Variants in ADAM22 observed in about 807,000 individuals in gnomAD.
ADAM22 encodes disintegrin and metalloproteinase domain-containing protein 22.
ADAM22 carries 65 observed loss-of-function variants against 144.6 expected under a neutral mutation model. The ratio of observed to expected loss-of-function variants is 0.45; its 90% CI spans 0.37 to 0.55. ADAM22 has a LOEUF of 0.55. ADAM22 is among the 20% of genes least tolerant of loss of function. The pLI is 0.00. For synonymous variants in ADAM22, 391 were observed against 412.6 expected (o/e 0.95, Z 0.63); for missense variants, 974 against 1,184.9 (o/e 0.82, Z 2.61).
chr7:88,171,586 A>G, intron 26 of ADAM22, 25 bp downstream of exon 26: 1 of 1,563,972 alleles, frequency 6.4e-7, no homozygotes, highest in Non-Finnish European at 8.6e-7. Flanking sequence ...TAATGTGAAC[A>G]TAAAACTGAA....
intron 4 of ADAM22, among the ~76,000 whole-genome samples, chr7:88,087,466 A>T (rs1289061180): frequency 6.6e-6 from 1 of 152,226 alleles, no homozygotes; most frequent in Non-Finnish European, 1.5e-5. Context: ...TGAACGTATG[A>T]GGAAAATAAC....
chr7:88,195,571 A>C (rs1268247643), intron 31 of ADAM22, among the ~76,000 whole-genome samples: 2 of 152,116 alleles, frequency 1.3e-5, no homozygotes, highest in Non-Finnish European at 2.9e-5. Flanking sequence ...GCTATAGTGC[A>C]ATGTCGCGAT....
chr7:88,145,134 C>G lies in ADAM22; in HGVS notation c.1330C>G (p.Pro444Ala), dbSNP rs1262828152. Residue 444 changes from proline (P) to alanine (A), a missense_variant, in exon 16 of 32, where the codon CCT becomes GCT. Around this residue, in one of 2 missense-constraint regions of ADAM22, gnomAD observed 734 missense variants for 950.6 expected, o/e 0.77. Coordinates refer to ENST00000413139, the MANE Select transcript of ADAM22 (RefSeq NM_001324418.2). ...LFNKPSKLLDPPECGNGFIET... is the reference protein window; with the variant it reads ...LFNKPSKLLDAPECGNGFIET... The stretch of plus-strand genomic sequence containing the variant: ...TTGGTTTTCCTCACAGCTTCTTGAT[C>G]CTCCTGAGTGTGGCAATGGCTTCAT... 6.2e-7 allele frequency: 1 copy of G among 1,613,194 alleles called. No homozygotes were observed. The highest frequency in any genetic ancestry group is 8.5e-7 in the Non-Finnish European group (1 of 1,179,782).
intron 4 of ADAM22, among the ~76,000 whole-genome samples, chr7:88,100,700 G>A (rs963114315): frequency 6.6e-6 from 1 of 152,124 alleles, no homozygotes; most frequent in South Asian, 2.1e-4. Context: ...ATTTGTATTA[G>A]AGATGCGGTC....
At chr7:87,956,513 G>T (rs1584590364) in intron 2 of ADAM22, among the ~76,000 whole-genome samples, 1 of 152,046 alleles carries the variant, frequency 6.6e-6, no homozygotes, top group Non-Finnish European at 1.5e-5. Context: ...TGAGTTTTTG[G>T]TGTATTTAGA....
At chr7:88,153,371 C>G in intron 21 of ADAM22, 45 bp downstream of exon 21, 2 of 1,515,498 alleles carry the variant, frequency 1.3e-6, no homozygotes, top group Non-Finnish European at 1.8e-6. Context: ...TGGTCAATTA[C>G]AAGTGTACTT....
intron 4 of ADAM22, among the ~76,000 whole-genome samples, chr7:88,099,294 C>T (rs890908994): frequency 2.6e-5 from 4 of 152,118 alleles, no homozygotes; most frequent in Non-Finnish European, 5.9e-5. Flanking sequence ...GGGTCAGAGA[C>T]GAAGGACTTC....
At chr7:87,948,573 A>T (rs1009125058) in intron 2 of ADAM22, among the ~76,000 whole-genome samples, 2 of 152,128 alleles carry the variant, frequency 1.3e-5, no homozygotes, top group African/African-American at 2.4e-5. Flanking sequence ...TTTACCCTCT[A>T]CATTTGCTGA....
chr7:88,148,982 G>C lies in ADAM22; in HGVS notation c.1491G>C (p.Gln497His), dbSNP rs754165840. 7.4e-6 allele frequency: 12 copies of C among 1,610,740 alleles called. No homozygotes were observed. The highest frequency in any genetic ancestry group is 1.0e-5 in the Non-Finnish European group (12 of 1,178,058). Reference sequence around the variant, plus strand: ...TTGATTTTTGTTCATTTTAGTTTCAGCCTATGGGCACTGTGTGCCGAGAAG... The same window carrying C: ...TTGATTTTTGTTCATTTTAGTTTCACCCTATGGGCACTGTGTGCCGAGAAG... The part of the protein sequence containing the change: ...DGLCCKKCKF[Q>H]PMGTVCREAV... Residue 497 changes from glutamine (Q) to histidine (H), a missense_variant, in exon 18 of 32, where the codon CAG (glutamine) becomes CAC (histidine). Transcript: ENST00000413139.
At chr7:88,101,551 C>G (rs1167395546) in intron 4 of ADAM22, among the ~76,000 whole-genome samples, 1 of 152,130 alleles carries the variant, frequency 6.6e-6, no homozygotes, top group Non-Finnish European at 1.5e-5. Context: ...TTATTCTAGC[C>G]CCTTTGATCC....
At chr7:87,982,913 A>C (rs1453092022) in intron 3 of ADAM22, among the ~76,000 whole-genome samples, 1 of 150,056 alleles carries the variant, frequency 6.7e-6, no homozygotes, top group African/African-American at 2.5e-5. Context: ...CTGGTCTCGA[A>C]CTCCTGACCT....
At position 87,935,189 on chromosome 7, in the gene ADAM22, G is replaced by C; in HGVS notation, c.246+3G>C. 6.3e-7 allele frequency: 1 copy of C among 1,595,458 alleles called. No individual in the cohort carries two copies. Among genetic ancestry groups the C allele is most frequent in the Non-Finnish European group, 8.5e-7 (1 of 1,170,638 alleles). On this transcript the variant is annotated splice_donor_region_variant and intron_variant, in intron 2 of 31. Coordinates refer to ENST00000413139, the MANE Select transcript of ADAM22 (RefSeq NM_001324418.2). ...GGGGCGACCTCGGTGGCCCGCAGGT[G>C]AGAGGCTCGGTCCGGGAGGTGGTCC...
chr7:88,135,938 T>C (rs1563296400), intron 13 of ADAM22, 42 bp from the exon 14 acceptor site: 2 of 1,560,020 alleles, frequency 1.3e-6, no homozygotes, highest in Non-Finnish European at 1.7e-6. Flanking sequence ...AATGCAACTG[T>C]GTTCACTTTA....
chr7:88,039,464 A>AAAAATATATATAT, intron 3 of ADAM22, among the ~76,000 whole-genome samples: 1 of 76,378 alleles, frequency 1.3e-5, no homozygotes, highest in African/African-American at 4.7e-5. Flanking sequence ...AAAAAAAAAA[A>AAAAATATATATAT]ATATATATAT....
At chr7:88,031,995 GAT>G (rs1800385069) in intron 3 of ADAM22, among the ~76,000 whole-genome samples, 1 of 152,236 alleles carries the variant, frequency 6.6e-6, no homozygotes, top group African/African-American at 2.4e-5. Context: ...GATTTCAGAG[GAT>G]GTATAGAAAT....
At chr7:88,147,489 G>A (rs1836871717) in intron 17 of ADAM22, among the ~76,000 whole-genome samples, 1 of 152,190 alleles carries the variant, frequency 6.6e-6, no homozygotes, top group Non-Finnish European at 1.5e-5. Flanking sequence ...AGCAGCCTTT[G>A]AAAATACAGA....
chr7:88,168,433 T>A (rs1843436200), intron 25 of ADAM22: 1 of 609,358 alleles, frequency 1.6e-6, no homozygotes, highest in Non-Finnish European at 3.1e-6. Context: ...AACTTCCTTC[T>A]ATTGTAAAAG....
At chr7:87,982,052 T>C (rs1317853285) in intron 3 of ADAM22, among the ~76,000 whole-genome samples, 10 of 90,544 alleles carry the variant, frequency 1.1e-4, no homozygotes, top group Middle Eastern at 5.4e-3. Context: ...TTCATATATA[T>C]ATATATATAT....
chr7:88,104,758 T>C (rs1428674171), intron 4 of ADAM22, among the ~76,000 whole-genome samples: 2 of 152,048 alleles, frequency 1.3e-5, no homozygotes, highest in Non-Finnish European at 2.9e-5. Context: ...ATACCACCAG[T>C]TGAGACCTCA....
Sources: gnomAD v4.1 joint callset for allele counts (sites outside exome capture counted in the v4.1 genomes callset) on GRCh38, gnomAD v4.1.1 for gene constraint, gnomAD v4.1.1 regional missense constraint, MANE v1.5 for transcripts, NCBI Gene and HGNC (gene_info 2026-07-23, HGNC 2026-07-21) for gene names.